AGBL1: variants seen among roughly 807,000 people sequenced by gnomAD.
AGBL1 encodes AGBL carboxypeptidase 1, also known as cytosolic carboxypeptidase 4.
AGBL1 carries 130 observed loss-of-function variants against 118.9 expected under a neutral mutation model. The ratio of observed to expected loss-of-function variants is 1.09; its 90% CI spans 0.95 to 1.26. AGBL1 has a LOEUF of 1.26. Ranked by LOEUF, AGBL1 falls within the 50% of genes most tolerant of loss-of-function variation. The pLI, the probability that AGBL1 is intolerant of heterozygous loss-of-function variation, is 0.00. For missense variants in AGBL1, 1,584 were observed against 1,298.1 expected (o/e 1.22, Z -3.38); for synonymous variants, 555 against 478.9 (o/e 1.16, Z -2.08).
intron 23 of AGBL1, among the ~76,000 whole-genome samples, chr15:86,979,854 T>C (rs942424224): frequency 1.3e-5 from 2 of 152,140 alleles, no homozygotes; most frequent in African/African-American, 4.8e-5. Context: ...AGGACCCCTC[T>C]TGGCCCCATC....
rs535254684 is a variant in AGBL1 at position 86,716,353 on chromosome 15, G to A, written c.3158+41917G>A. Among the ~76,000 whole-genome samples the A allele has an allele frequency of 7.2e-5, 11 of 152,114 alleles. No individual in the cohort carries two copies. The South Asian group carries it at 1.9e-3, about 26-fold the overall frequency. On this transcript the variant is annotated intron_variant, in intron 22 of 22. Transcript: ENST00000614907. ...TCTGAAAGGCTCGGAAGTGTAGTGGGGTCCCATGGAGGGCTTTAGTTGATG... is the reference window on the plus strand; with the variant it reads ...TCTGAAAGGCTCGGAAGTGTAGTGGAGTCCCATGGAGGGCTTTAGTTGATG...
chr15:86,556,670 C>T (rs1321062844), intron 21 of AGBL1, among the ~76,000 whole-genome samples: 2 of 152,150 alleles, frequency 1.3e-5, no homozygotes, highest in African/African-American at 4.8e-5. Context: ...TAGAAATTTC[C>T]ATCCTGAACA....
chr15:86,221,101 A>C (rs1189688652), intron 5 of AGBL1, among the ~76,000 whole-genome samples: 1 of 152,116 alleles, frequency 6.6e-6, no homozygotes, highest in South Asian at 2.1e-4. Context: ...GGGAGGCTGA[A>C]TCAGGAGACT....
At chr15:86,840,828 G>A (rs2141436333) in intron 22 of AGBL1, among the ~76,000 whole-genome samples, 1 of 152,128 alleles carries the variant, frequency 6.6e-6, no homozygotes, top group African/African-American at 2.4e-5. Flanking sequence ...CAACATGTTT[G>A]AATTAACTAT....
chr15:86,782,848 T>A (rs1228350371), intron 22 of AGBL1, among the ~76,000 whole-genome samples: 1 of 152,220 alleles, frequency 6.6e-6, no homozygotes, highest in East Asian at 1.9e-4. Context: ...GTTTTAAGAA[T>A]TAAAGACAGT....
intron 17 of AGBL1, among the ~76,000 whole-genome samples, chr15:86,333,561 A>T (rs183925308): frequency 6.6e-6 from 1 of 152,320 alleles, no homozygotes; most frequent in East Asian, 1.9e-4. Context: ...AACCAAAAAA[A>T]TCCCTGAACC....
chr15:86,876,803 G>A (rs1184027362), intron 22 of AGBL1, among the ~76,000 whole-genome samples: 1 of 152,122 alleles, frequency 6.6e-6, no homozygotes, highest in Non-Finnish European at 1.5e-5. Flanking sequence ...GAATGTAGTT[G>A]GCTGAGCACG....
intron 22 of AGBL1, among the ~76,000 whole-genome samples, chr15:86,736,850 T>C (rs2077609614): frequency 6.6e-6 from 1 of 152,148 alleles, no homozygotes; most frequent in South Asian, 2.1e-4. Context: ...TATTTTTTTC[T>C]CTCTAAACTC....
Position 86,304,675 on chromosome 15 carries a change from G to A in AGBL1, c.2374+9267G>A, listed in dbSNP as rs187604174. Among the ~76,000 whole-genome samples the A allele has an allele frequency of 4.7e-3, 717 of 152,204 alleles. 3 individuals are homozygous for A. Among genetic ancestry groups the A allele is most frequent in the Non-Finnish European group, 8.6e-3 (584 of 67,994 alleles). ...TCTCTTGGAAAGTTACCTCTTACCCGGTTATTTCTTGGGTCCCCAAGGGTA... is the reference window on the plus strand; with the variant it reads ...TCTCTTGGAAAGTTACCTCTTACCCAGTTATTTCTTGGGTCCCCAAGGGTA... On this transcript the variant is annotated intron_variant, in intron 17 of 22. Transcript: ENST00000614907.
At chr15:86,131,770 G>A (rs994993924) in intron 1 of AGBL1, among the ~76,000 whole-genome samples, 1 of 151,820 alleles carries the variant, frequency 6.6e-6, no homozygotes, top group Non-Finnish European at 1.5e-5. Context: ...GCAACATGGT[G>A]GAAATCCTGT....
chr15:86,514,242 CAG>C (rs796202832), intron 18 of AGBL1, among the ~76,000 whole-genome samples: 2 of 152,038 alleles, frequency 1.3e-5, no homozygotes, highest in African/African-American at 4.8e-5. Flanking sequence ...TACAAAATCA[CAG>C]AGTTAATTCC....
At chr15:86,208,508 G>C (rs1385981969) in intron 5 of AGBL1, among the ~76,000 whole-genome samples, 1 of 152,142 alleles carries the variant, frequency 6.6e-6, no homozygotes, top group African/African-American at 2.4e-5. Context: ...CCTGTTATTG[G>C]TCTATTCAGA....
chr15:86,353,399 A>G (rs753752702), intron 17 of AGBL1, among the ~76,000 whole-genome samples: 17 of 152,232 alleles, frequency 1.1e-4, no homozygotes, highest in Non-Finnish European at 2.1e-4. Flanking sequence ...GATGTATCTA[A>G]TGGGCTGCCA....
chr15:86,587,312 G>A (rs1470975555), intron 21 of AGBL1, among the ~76,000 whole-genome samples: 1 of 152,174 alleles, frequency 6.6e-6, no homozygotes. Flanking sequence ...TGACCTCTAT[G>A]CTCCTTGGCC....
At chr15:86,946,841 T>TC (rs1165295967) in intron 23 of AGBL1, among the ~76,000 whole-genome samples, 1 of 20,362 alleles carries the variant, frequency 4.9e-5, no homozygotes, top group Non-Finnish European at 1.0e-4. Context: ...TGAAACTCGG[T>TC]CCAAAAAAAA....
At chr15:86,980,714 A>G (rs1440309374) in intron 23 of AGBL1, among the ~76,000 whole-genome samples, 1 of 152,086 alleles carries the variant, frequency 6.6e-6, no homozygotes, top group African/African-American at 2.4e-5. Flanking sequence ...GTCTTGCATC[A>G]TGTTTTTTCA....
At chr15:86,457,008 C>T (rs916958095) in intron 18 of AGBL1, among the ~76,000 whole-genome samples, 11 of 151,964 alleles carry the variant, frequency 7.2e-5, no homozygotes, top group Admixed American at 2.6e-4. Flanking sequence ...AAGAACACAC[C>T]GCTATTTGCC....
At chr15:86,358,335 A>T (rs1398710020) in intron 17 of AGBL1, among the ~76,000 whole-genome samples, 1 of 152,072 alleles carries the variant, frequency 6.6e-6, no homozygotes, top group African/African-American at 2.4e-5. Flanking sequence ...CTTCAGGTTC[A>T]TCCATACTGT....
At chr15:86,999,370 C>G (rs190871293) in intron 24 of AGBL1, among the ~76,000 whole-genome samples, 11 of 146,796 alleles carry the variant, frequency 7.5e-5, no homozygotes, top group South Asian at 2.2e-4. Context: ...ATCCCTCCCC[C>G]CTGCCACCAC....
Sources: allele counts gnomAD v4.1 joint callset (sites outside exome capture counted in the v4.1 genomes callset), GRCh38; gene constraint gnomAD v4.1.1; transcripts MANE v1.5; gene names NCBI Gene and HGNC (gene_info 2026-07-23, HGNC 2026-07-21).